Variants in IFNE observed in about 807,000 individuals in gnomAD.
IFNE encodes the protein IFN-epsilon.
For synonymous variants in IFNE, 94 were observed against 87.4 expected (o/e 1.08, Z -0.42); for missense variants, 276 against 232.4 (o/e 1.19, Z -1.22).
Position 21,481,449 on chromosome 9 carries a change from A to C in IFNE, c.246T>G (p.His82Gln). Residue 82 changes from histidine (H) to glutamine (Q), a missense_variant, in exon 1 of 1, where the codon CAT becomes CAG. Transcript: ENST00000448696. ...YQKGHTLAIL[H>Q]EMLQQIFSLF... ...GGCTGAAGATCTGCTGAAGCATCTCATGGAGAATGGCCAGAGTGTGTCCTT... is the reference window on the plus strand; with the variant it reads ...GGCTGAAGATCTGCTGAAGCATCTCCTGGAGAATGGCCAGAGTGTGTCCTT... 1 of 1,614,172 alleles carries C rather than the reference A, an allele frequency of 6.2e-7. No homozygotes were observed. Among genetic ancestry groups the C allele is most frequent in the South Asian group, 1.1e-5 (1 of 91,080 alleles).
chr9:21,481,210 GT>G, the IFNE span: 1 of 1,614,130 alleles, frequency 6.2e-7, no homozygotes, highest in Non-Finnish European at 8.5e-7. Context: ...CCAGGCACAG[GT>G]GCTGTAGTCC....
chr9:21,481,045 G>A lies in IFNE; in HGVS notation c.*23C>T, dbSNP rs762552364. ...ACCACTCTATGAAGAATCATGTCTG[G>A]AGAAGTCCTCTAGTCCCTCCACCTA... is the stretch of plus-strand genomic sequence containing the variant. On this transcript the variant is annotated 3_prime_UTR_variant, in exon 1 of 1. Coordinates refer to ENST00000448696, the MANE Select transcript of IFNE (RefSeq NM_176891.5). The A allele has an allele frequency of 3.9e-6, 6 of 1,554,212 alleles. No individual in the cohort carries two copies. The highest frequency in any genetic ancestry group is 3.7e-5 in the South Asian group (3 of 80,450).
chr9:21,481,814 G>T lies in IFNE; in HGVS notation c.-120C>A. On this transcript the variant is annotated 5_prime_UTR_variant, in exon 1 of 1. Transcript: ENST00000448696. Reference sequence around the variant, plus strand: ...GAGAGTGTTCTCTTTTGTTGCTTTCGTTTTCTAATGTCATTTCTCCAAGTT... The same window carrying T: ...GAGAGTGTTCTCTTTTGTTGCTTTCTTTTTCTAATGTCATTTCTCCAAGTT... 1.2e-6 allele frequency: 1 copy of T among 868,664 alleles called. No homozygotes were observed. Among genetic ancestry groups the T allele is most frequent in the Non-Finnish European group, 1.8e-6 (1 of 564,180 alleles). The allele number at this position is 868,664 out of a possible 1,614,324, so 53.8% of individuals were successfully genotyped here.
Position 21,481,069 on chromosome 9 carries a change from T to A in IFNE, c.626A>T (p.Ter209LeuextTer14), listed in dbSNP as rs765765903. 1 of 1,597,606 alleles carries A rather than the reference T, an allele frequency of 6.3e-7. No individual in the cohort carries two copies. Among genetic ancestry groups the A allele is most frequent in the Non-Finnish European group, 8.5e-7 (1 of 1,173,028 alleles). ...GGAGAAGTCCTCTAGTCCCTCCACC[T>A]ACCTCGGGCTTCTAAACTCTGTAGT... ...ELTTEFRSPR[*>L] Residue 209 changes from the stop codon to leucine, a stop_lost, in exon 1 of 1, where the codon TAG becomes TTG. Transcript: ENST00000448696.
chr9:21,481,039 T>C lies in IFNE; in HGVS notation c.*29A>G. The C allele has an allele frequency of 6.5e-7, 1 of 1,538,720 alleles. No homozygotes were observed. The highest frequency in any genetic ancestry group is 8.8e-7 in the Non-Finnish European group (1 of 1,141,010). ...TGTATTACCACTCTATGAAGAATCA[T>C]GTCTGGAGAAGTCCTCTAGTCCCTC... On this transcript the variant is annotated 3_prime_UTR_variant, in exon 1 of 1. Coordinates refer to ENST00000448696, the MANE Select transcript of IFNE (RefSeq NM_176891.5).
chr9:21,480,997 G>A lies in IFNE; in HGVS notation c.*71C>T, dbSNP rs1331095833. ...TATATATACACAAAATCAAAGCAAT[G>A]TGATTGTACTATAAATTGTATTACC... On this transcript the variant is annotated 3_prime_UTR_variant, in exon 1 of 1. Coordinates refer to ENST00000448696, the MANE Select transcript of IFNE (RefSeq NM_176891.5). The A allele has an allele frequency of 8.4e-7, 1 of 1,184,834 alleles. No homozygotes were observed. Among genetic ancestry groups the A allele is most frequent in the Non-Finnish European group, 1.2e-6 (1 of 837,114 alleles). The allele number at this position is 1,184,834 out of a possible 1,614,324, so 73.4% of individuals were successfully genotyped here.
chr9:21,480,925 A>C lies in IFNE; in HGVS notation c.*143T>G, dbSNP rs180720904. On this transcript the variant is annotated 3_prime_UTR_variant, in exon 1 of 1. Transcript: ENST00000448696. ...AATATATAAAGCCACATTACAAAAT[A>C]AAAACAATTGTGGTCAATATGCACA... 178 of 630,308 alleles carry C rather than the reference A, an allele frequency of 2.8e-4. 1 individual carries two copies. The African/African-American group carries it at 3.1e-3, about 11-fold the overall frequency. 39.0% of individuals were successfully genotyped at this position (630,308 alleles called of 1,614,324 possible).
the IFNE span, chr9:21,481,180 AT>A: frequency 6.2e-7 from 1 of 1,614,158 alleles, no homozygotes; most frequent in Non-Finnish European, 8.5e-7. Context: ...ACATCGGCTG[AT>A]TTCTACTTGG....
Position 21,481,149 on chromosome 9 carries a change from G to T in IFNE, c.546C>A (p.Leu182=), listed in dbSNP as rs148238939. Residue 182 remains leucine (L), a synonymous_variant, in exon 1 of 1, where the codon CTC becomes CTA. Coordinates refer to ENST00000448696, the MANE Select transcript of IFNE (RefSeq NM_176891.5). The stretch of plus-strand genomic sequence containing the variant: ...TTCCTTGTTTGCTCAGTTTTTCTGT[G>T]AGACTGAACACAAAGAACAGACATC... The part of the protein sequence containing the change: ...ISRCLFFVFS[L]TEKLSKQGRP... 386 of 1,613,990 alleles carry T rather than the reference G, an allele frequency of 2.4e-4. 2 individuals carry two copies. In the African/African-American group the frequency reaches 4.5e-3, roughly 19 times the overall value.
At position 21,481,861 on chromosome 9, in the gene IFNE, C is replaced by G. The variant is rs2118082858; in HGVS notation, c.-167G>C. 1.1e-5 allele frequency: 7 copies of G among 649,042 alleles called. No individual in the cohort carries two copies. Among genetic ancestry groups the G allele is most frequent in the Non-Finnish European group, 1.9e-5 (7 of 376,560 alleles). 40.2% of individuals were successfully genotyped at this position (649,042 alleles called of 1,614,324 possible). ...AGTTTACACATTAGATTTTCAGGTT[C>G]CCTTTTCATGGTGTTCAGAGTACAT... On this transcript the variant is annotated 5_prime_UTR_variant, in exon 1 of 1. Transcript: ENST00000448696.
chr9:21,481,893 C>T lies in IFNE; in HGVS notation c.-199G>A. 1 of 573,984 alleles carries T rather than the reference C, an allele frequency of 1.7e-6. No homozygotes were observed. Among genetic ancestry groups the T allele is most frequent in the East Asian group, 3.0e-5 (1 of 33,056 alleles). 35.6% of individuals were successfully genotyped at this position (573,984 alleles called of 1,614,324 possible). On this transcript the variant is annotated 5_prime_UTR_variant, in exon 1 of 1. An upstream start codon of the reference 5' UTR is lost. Coordinates refer to ENST00000448696, the MANE Select transcript of IFNE (RefSeq NM_176891.5). ...CATGGTGTTCAGAGTACATTTTCTC[C>T]ATTTCCCTATTGTGTTGGCTATTTT...
Position 21,481,701 on chromosome 9 carries a change from G to A in IFNE, c.-7C>T. On this transcript the variant is annotated 5_prime_UTR_variant, in exon 1 of 1. Transcript: ENST00000448696. ...AGAAGTGCTTGATAATCATGGTGAA[G>A]GTCAAATATGCTACTTATCCCTGCA... The A allele has an allele frequency of 6.2e-7, 1 of 1,603,182 alleles. No homozygotes were observed. Among genetic ancestry groups the A allele is most frequent in the Non-Finnish European group, 8.5e-7 (1 of 1,174,832 alleles).
Position 21,481,824 on chromosome 9 carries a change from G to A in IFNE, c.-130C>T, listed in dbSNP as rs1819057167. 2.5e-6 allele frequency: 2 copies of A among 815,086 alleles called. No individual in the cohort carries two copies. Among genetic ancestry groups the A allele is most frequent in the South Asian group, 3.7e-5 (2 of 53,506 alleles). 50.5% of individuals were successfully genotyped at this position (815,086 alleles called of 1,614,324 possible). A position where few individuals can be genotyped will look rare whatever the true frequency, so the allele number is the denominator to read the frequency against. On this transcript the variant is annotated 5_prime_UTR_variant, in exon 1 of 1. Coordinates refer to ENST00000448696, the MANE Select transcript of IFNE (RefSeq NM_176891.5). ...TCTTTTGTTGCTTTCGTTTTCTAATGTCATTTCTCCAAGTTTACACATTAG... is the reference window on the plus strand; with the variant it reads ...TCTTTTGTTGCTTTCGTTTTCTAATATCATTTCTCCAAGTTTACACATTAG...
In IFNE at chr9:21,481,484, G is replaced by C; in HGVS notation, c.211C>G (p.Gln71Glu). The change falls in exon 1 of 1, where the codon CAG (glutamine) becomes GAG (glutamate). Residue 71 changes from glutamine to glutamate, a missense_variant. Transcript: ENST00000448696. ...GCCAGAGTGTGTCCTTTTTGGTACT[G>C]CTGAGGACTCAAAGACTTCTGAGGA... ...LLPQKSLSPQ[Q>E]YQKGHTLAIL... 1 of 1,614,028 alleles carries C rather than the reference G, an allele frequency of 6.2e-7. No individual in the cohort carries two copies. Among genetic ancestry groups the C allele is most frequent in the East Asian group, 2.2e-5 (1 of 44,870 alleles).
At position 21,481,086 on chromosome 9, in the gene IFNE, C is replaced by T; in HGVS notation, c.609G>A (p.Glu203=). 1 of 1,609,826 alleles carries T rather than the reference C, an allele frequency of 6.2e-7. No individual in the cohort carries two copies. The highest frequency in any genetic ancestry group is 8.5e-7 in the Non-Finnish European group (1 of 1,178,162). ...CCTCCACCTACCTCGGGCTTCTAAA[C>T]TCTGTAGTAAGCTCTTGCTTCATGT... ...LNDMKQELTT[E]FRSPR is the part of the protein sequence containing the mutation. The change falls in exon 1 of 1, where the codon GAG becomes GAA. Residue 203 remains glutamate, a synonymous_variant. Coordinates refer to ENST00000448696, the MANE Select transcript of IFNE (RefSeq NM_176891.5).
rs771480893 is a variant in IFNE, at chr9:21,481,652, C to T, written c.43G>A (p.Ala15Thr). ...TCTAGAGAGAAGATAGTGGTAGAGG[C>T]CAGCAGCACCAACACAGTTCCAAAG... ...HFFGTVLVLL[A>T]STTIFSLDLK... Residue 15 changes from alanine (A) to threonine (T), a missense_variant, in exon 1 of 1, where the codon GCC becomes ACC. Ala to Thr is a moderately conservative substitution (Grantham distance 58, BLOSUM62 0). Coordinates refer to ENST00000448696, the MANE Select transcript of IFNE (RefSeq NM_176891.5). 6.2e-7 allele frequency: 1 copy of T among 1,613,688 alleles called. No individual in the cohort carries two copies. Among genetic ancestry groups the T allele is most frequent in the South Asian group, 1.1e-5 (1 of 91,026 alleles).
chr9:21,481,900 C>T lies in IFNE; in HGVS notation c.-206G>A. On this transcript the variant is annotated 5_prime_UTR_variant, in exon 1 of 1. Transcript: ENST00000448696. The stretch of plus-strand genomic sequence containing the variant: ...TTCAGAGTACATTTTCTCCATTTCC[C>T]TATTGTGTTGGCTATTTTGAGGAAG... The T allele has an allele frequency of 1.8e-6, 1 of 554,646 alleles. No homozygotes were observed. The highest frequency in any genetic ancestry group is 3.2e-6 in the Non-Finnish European group (1 of 309,844). The allele number at this position is 554,646 out of a possible 1,614,324, so 34.4% of individuals were successfully genotyped here. A position where few individuals can be genotyped will look rare whatever the true frequency, so the allele number is the denominator to read the frequency against.
chr9:21,481,643 T>C lies in IFNE; in HGVS notation c.52A>G (p.Thr18Ala), dbSNP rs201106383. 429 of 1,613,884 alleles carry C rather than the reference T, an allele frequency of 2.7e-4. 2 individuals are homozygous for C. Among genetic ancestry groups the C allele is most frequent in the Non-Finnish European group, 6.0e-5 (71 of 1,179,910 alleles). The change falls in exon 1 of 1, where the codon ACT becomes GCT. Residue 18 changes from threonine (T) to alanine (A), a missense_variant. Coordinates refer to ENST00000448696, the MANE Select transcript of IFNE (RefSeq NM_176891.5). The stretch of plus-strand genomic sequence containing the variant: ...AGTTTCAAATCTAGAGAGAAGATAG[T>C]GGTAGAGGCCAGCAGCACCAACACA... ...GTVLVLLASTTIFSLDLKLII... is the reference protein window; with the variant it reads ...GTVLVLLASTAIFSLDLKLII...
In IFNE at chr9:21,481,826, C is replaced by A. The variant is rs1428912744; in HGVS notation, c.-132G>T. 2.5e-6 allele frequency: 2 copies of A among 803,150 alleles called. No homozygotes were observed. The highest frequency in any genetic ancestry group is 1.7e-5 in the African/African-American group (1 of 57,180). The allele number at this position is 803,150 out of a possible 1,614,324, so 49.8% of individuals were successfully genotyped here. A position where few individuals can be genotyped will look rare whatever the true frequency, so the allele number is the denominator to read the frequency against. On this transcript the variant is annotated 5_prime_UTR_variant, in exon 1 of 1. The change abolishes an upstream ATG in the 5' untranslated region. Coordinates refer to ENST00000448696, the MANE Select transcript of IFNE (RefSeq NM_176891.5). ...TTTTGTTGCTTTCGTTTTCTAATGT[C>A]ATTTCTCCAAGTTTACACATTAGAT...
Sources: allele counts gnomAD v4.1 joint callset, GRCh38; gene constraint gnomAD v4.1.1; transcripts MANE v1.5; gene names NCBI Gene and HGNC (gene_info 2026-07-23, HGNC 2026-07-21).